The following THRB variants were observed in gnomAD, a reference collection of about 807,000 sequenced individuals.
The protein encoded by THRB is nuclear receptor subfamily 1 group A member 2.
A neutral mutation model predicts 47.8 loss-of-function variants in THRB; 12 were observed. The ratio of observed to expected loss-of-function variants is 0.25; its 90% CI spans 0.16 to 0.41. The LOEUF (loss-of-function observed/expected upper bound fraction) is 0.41, where lower values mean the gene tolerates loss of function less well. THRB is among the 10% of genes least tolerant of loss of function. The probability of loss-of-function intolerance (pLI) is 1.00; values close to 1 mark genes in which losing one functional copy is unlikely to be tolerated. For missense variants in THRB, 348 were observed against 589.2 expected (o/e 0.59, Z 4.24); for synonymous variants, 218 against 212.2 (o/e 1.03, Z -0.24).
In THRB at chr3:24,138,223, A is replaced by C. The variant is rs573859076; in HGVS notation, c.739-4761T>G. Reference sequence around the variant, plus strand: ...TAACTCTCTGACACATGCAGAATGGAGTGGGGCCAGATGGGACTCTCACTT... The same window carrying C: ...TAACTCTCTGACACATGCAGAATGGCGTGGGGCCAGATGGGACTCTCACTT... On this transcript the variant is annotated intron_variant, in intron 8 of 10. Coordinates refer to ENST00000646209, the MANE Select transcript of THRB (RefSeq NM_001354712.2). Among the ~76,000 whole-genome samples, 265 of 152,128 alleles carry C rather than the reference A, an allele frequency of 1.7e-3. 2 individuals carry two copies. Among genetic ancestry groups the C allele is most frequent in the African/African-American group, 6.0e-3 (248 of 41,500 alleles).
chr3:24,463,393 T>C (rs913235344), intron 1 of THRB, among the ~76,000 whole-genome samples: 1 of 152,154 alleles, frequency 6.6e-6, no homozygotes, highest in African/African-American at 2.4e-5. Context: ...GCCAAGTAGC[T>C]GGGACTACAG....
At chr3:24,142,239 T>G (rs1183561169) in intron 8 of THRB, among the ~76,000 whole-genome samples, 1 of 152,210 alleles carries the variant, frequency 6.6e-6, no homozygotes, top group African/African-American at 2.4e-5. Flanking sequence ...CACATCTACC[T>G]ACAGGATTGG....
intron 2 of THRB, among the ~76,000 whole-genome samples, chr3:24,322,065 G>T (rs912819898): frequency 6.6e-6 from 1 of 151,490 alleles, no homozygotes; most frequent in Non-Finnish European, 1.5e-5. Context: ...TATAGTATAA[G>T]GCCAAGAAAA....
chr3:24,369,045 T>G (rs531952823), intron 1 of THRB, among the ~76,000 whole-genome samples: 1 of 152,166 alleles, frequency 6.6e-6, no homozygotes, highest in Non-Finnish European at 1.5e-5. Flanking sequence ...ATTATTTAAT[T>G]TTTTTGAGAT....
chr3:24,332,044 G>A lies in THRB; in HGVS notation c.-189+5256C>T, dbSNP rs530419895. On this transcript the variant is annotated intron_variant, in intron 2 of 10. Coordinates refer to ENST00000646209, the MANE Select transcript of THRB (RefSeq NM_001354712.2). ...CACAACGAAATCCCACTTTCATTCC[G>A]GGTGGCAAGGTACCCAGCCACATTT... Among the ~76,000 whole-genome samples, 10 of 152,112 alleles carry A rather than the reference G, an allele frequency of 6.6e-5. No homozygotes were observed. The South Asian group carries it at 1.2e-3, about 19-fold the overall frequency.
intron 1 of THRB, among the ~76,000 whole-genome samples, chr3:24,463,268 C>G (rs543969306): frequency 6.6e-6 from 1 of 152,252 alleles, no homozygotes; most frequent in African/African-American, 2.4e-5. Flanking sequence ...TGATAACAAT[C>G]TTTTTATTTT....
chr3:24,253,167 A>G (rs1251519781), intron 3 of THRB, among the ~76,000 whole-genome samples: 1 of 152,222 alleles, frequency 6.6e-6, no homozygotes, highest in Non-Finnish European at 1.5e-5. Context: ...CAATAACATA[A>G]TAGAGGCATA....
At chr3:24,370,059 T>C (rs771948810) in intron 1 of THRB, among the ~76,000 whole-genome samples, 38 of 152,176 alleles carry the variant, frequency 2.5e-4, no homozygotes, top group Non-Finnish European at 5.9e-5. Flanking sequence ...TATATGTTAC[T>C]AAAACTCAAC....
At chr3:24,287,463 A>C (rs1468678256) in intron 3 of THRB, among the ~76,000 whole-genome samples, 4 of 152,318 alleles carry the variant, frequency 2.6e-5, no homozygotes, top group East Asian at 3.9e-4. Context: ...CTAGAGAAGA[A>C]GAAAATCAGT....
At chr3:24,272,428 C>T (rs2053450534) in intron 3 of THRB, among the ~76,000 whole-genome samples, 1 of 152,020 alleles carries the variant, frequency 6.6e-6, no homozygotes, top group Non-Finnish European at 1.5e-5. Flanking sequence ...CAAAGCCCCC[C>T]AGAAAACCAA....
intron 1 of THRB, among the ~76,000 whole-genome samples, chr3:24,366,424 G>A (rs1040799251): frequency 1.3e-5 from 2 of 152,018 alleles, no homozygotes; most frequent in Admixed American, 1.3e-4. Context: ...CGGGAGTGAG[G>A]GACCAAGGCC....
intron 3 of THRB, among the ~76,000 whole-genome samples, chr3:24,274,266 T>C (rs2053666037): frequency 6.6e-6 from 1 of 152,176 alleles, no homozygotes; most frequent in African/African-American, 2.4e-5. Flanking sequence ...TGATGGCACT[T>C]ACACAGGCCT....
intron 6 of THRB, among the ~76,000 whole-genome samples, chr3:24,149,272 T>C (rs1378892887): frequency 6.6e-6 from 1 of 151,874 alleles, no homozygotes. Flanking sequence ...TTCCTAGAGG[T>C]AGAAATACCA....
At chr3:24,407,791 T>C (rs991966766) in intron 1 of THRB, among the ~76,000 whole-genome samples, 1 of 151,926 alleles carries the variant, frequency 6.6e-6, no homozygotes, top group Non-Finnish European at 1.5e-5. Flanking sequence ...TTTACTTTTC[T>C]CTTTACTCTT....
intron 3 of THRB, among the ~76,000 whole-genome samples, chr3:24,285,308 A>G (rs559929496): frequency 6.6e-6 from 1 of 151,960 alleles, no homozygotes; most frequent in African/African-American, 2.4e-5. Context: ...TGGAAACCAT[A>G]ATTCTCAGTA....
chr3:24,167,011 G>A (rs980805412), intron 5 of THRB, among the ~76,000 whole-genome samples: 7 of 151,954 alleles, frequency 4.6e-5, no homozygotes, highest in African/African-American at 1.7e-4. Context: ...AAAAATCACC[G>A]TCTCTGTCAA....
At chr3:24,190,497 C>CA (rs140123595) in intron 4 of THRB, among the ~76,000 whole-genome samples, 163 bp from the exon 5 acceptor site, 3,369 of 152,242 alleles carry the variant, frequency 0.022, 68 homozygotes, top group South Asian at 0.062. Flanking sequence ...CAGCCTTGGG[C>CA]ATTTAGCCAC....
At position 24,211,641 on chromosome 3, in the gene THRB, T is replaced by C. The variant is rs536258148; in HGVS notation, c.22+17297A>G. 5.9e-5 allele frequency among the ~76,000 whole-genome samples: 9 copies of C among 152,298 alleles called. No individual in the cohort carries two copies. The South Asian group carries it at 1.5e-3, about 25-fold the overall frequency. ...GTGGGGATGCACTGCAGAGATGTCT[T>C]CTAAAATGAGAAGGCTTAGAAACTG... On this transcript the variant is annotated intron_variant, in intron 4 of 10. Coordinates refer to ENST00000646209, the MANE Select transcript of THRB (RefSeq NM_001354712.2).
chr3:24,458,546 T>A (rs1024652302), intron 1 of THRB: 1 of 152,204 alleles, frequency 6.6e-6, no homozygotes, highest in African/African-American at 2.4e-5. Context: ...TCCTAGTTAA[T>A]GCACTGGTTA....
Sources: gnomAD v4.1 joint callset for allele counts (sites outside exome capture counted in the v4.1 genomes callset) on GRCh38, gnomAD v4.1.1 for gene constraint, MANE v1.5 for transcripts, NCBI Gene and HGNC (gene_info 2026-07-23, HGNC 2026-07-21) for gene names.